The following ALDH1L2 variants were observed in gnomAD, a reference collection of about 807,000 sequenced individuals.
ALDH1L2 encodes mitochondrial 10-formyltetrahydrofolate dehydrogenase.
A neutral mutation model predicts 111.0 loss-of-function variants in ALDH1L2; 91 were observed. The observed-to-expected ratio is 0.82, with a 90% confidence interval of 0.69 to 0.98. The LOEUF is 0.98. Ranked by LOEUF, ALDH1L2 falls within the 50% of genes least tolerant of loss-of-function variation. ALDH1L2 has a pLI of 0.00. For missense variants in ALDH1L2, 995 were observed against 1,126.8 expected, an observed-to-expected ratio of 0.88 and a Z score of 1.67; for synonymous variants, 374 against 392.6, an observed-to-expected ratio of 0.95 and a Z score of 0.56.
chr12:105,048,392 C>T (rs1876045693), intron 13 of ALDH1L2: 1 of 152,184 alleles, frequency 6.6e-6, no homozygotes, highest in South Asian at 2.1e-4. Flanking sequence ...TGATGTTTCC[C>T]AGTCTCCTTA....
chr12:105,077,380 C>A (rs111940226), intron 1 of ALDH1L2, among the ~76,000 whole-genome samples: 3,618 of 151,922 alleles, frequency 0.024, 97 homozygotes, highest in African/African-American at 0.061. Flanking sequence ...AAGCAATTCT[C>A]CTGCCTCAGC....
intron 1 of ALDH1L2, among the ~76,000 whole-genome samples, chr12:105,081,632 G>A (rs1423785647): frequency 6.6e-6 from 1 of 152,136 alleles, no homozygotes; most frequent in Non-Finnish European, 1.5e-5. Flanking sequence ...ATCAGAGGTG[G>A]GCAATAATAT....
At chr12:105,081,618 G>T (rs1197717305) in intron 1 of ALDH1L2, among the ~76,000 whole-genome samples, 1 of 152,160 alleles carries the variant, frequency 6.6e-6, no homozygotes, top group Non-Finnish European at 1.5e-5. Flanking sequence ...GAGCCAGGCA[G>T]GATATCAGAG....
Position 105,065,360 on chromosome 12 carries a change from G to T in ALDH1L2, c.697-4C>A, listed in dbSNP as rs755255924. 3.7e-6 allele frequency: 6 copies of T among 1,611,064 alleles called. No individual in the cohort carries two copies. In the South Asian group the frequency reaches 6.6e-5, roughly 18 times the overall value. On this transcript the variant is annotated splice_polypyrimidine_tract_variant and splice_region_variant and intron_variant, in intron 5 of 22. Coordinates refer to ENST00000258494, the MANE Select transcript of ALDH1L2 (RefSeq NM_001034173.4). ...CGGCAGACTGGTCCCAAGAAATCTA[G>T]GAAGGCACAAAATACAGGCTGAGCC... is the stretch of plus-strand genomic sequence containing the variant.
intron 10 of ALDH1L2, among the ~76,000 whole-genome samples, chr12:105,055,994 A>G (rs956724626): frequency 7.2e-5 from 11 of 152,188 alleles, no homozygotes; most frequent in Non-Finnish European, 1.6e-4. Flanking sequence ...ATATTTGAAG[A>G]AAGAATAGCT....
At chr12:105,054,010 G>C (rs1565961650) in intron 10 of ALDH1L2, among the ~76,000 whole-genome samples, 2 of 151,948 alleles carry the variant, frequency 1.3e-5, no homozygotes, top group South Asian at 4.1e-4. Flanking sequence ...CCACCACAGA[G>C]AGTTGTTAGG....
intron 1 of ALDH1L2, among the ~76,000 whole-genome samples, chr12:105,078,875 G>C (rs1294270394): frequency 2.6e-5 from 4 of 152,180 alleles, no homozygotes; most frequent in African/African-American, 9.6e-5. Context: ...AGAGGGTGCG[G>C]TATTTACAAA....
chr12:105,041,687 TCTCTA>T (rs958081535), intron 15 of ALDH1L2, among the ~76,000 whole-genome samples: 9 of 152,212 alleles, frequency 5.9e-5, no homozygotes, highest in African/African-American at 1.7e-4. Flanking sequence ...AGTAGTTGGC[TCTCTA>T]CTCTAAGTGT....
intron 10 of ALDH1L2, among the ~76,000 whole-genome samples, chr12:105,054,156 C>G (rs1460891586): frequency 6.6e-6 from 1 of 152,150 alleles, no homozygotes; most frequent in East Asian, 1.9e-4. Flanking sequence ...CAAGGTCACA[C>G]AGCTAGTAAG....
At chr12:105,061,176 T>G in intron 8 of ALDH1L2, 104 bp from the exon 9 acceptor site, 1 of 952,078 alleles carries the variant, frequency 1.1e-6, no homozygotes, top group South Asian at 1.4e-5. Context: ...TCTTGTACAC[T>G]CAGCTGTACA....
chr12:105,040,125 CAAAAAAAAAAAA>C (rs11284250), intron 16 of ALDH1L2, among the ~76,000 whole-genome samples: 3 of 59,080 alleles, frequency 5.1e-5, no homozygotes, highest in East Asian at 9.3e-4. Flanking sequence ...GACTCCGTCT[CAAAAAAAAAAAA>C]AAAAAAAAAA....
intron 16 of ALDH1L2, 106 bp from the exon 17 acceptor site, chr12:105,039,912 C>G: frequency 1.1e-6 from 1 of 922,954 alleles, no homozygotes. Flanking sequence ...AAGCAGATCA[C>G]AAGGTCAGGA....
At chr12:105,030,303 C>G (rs777745374) in intron 21 of ALDH1L2, 21 bp downstream of exon 21, 2 of 1,596,572 alleles carry the variant, frequency 1.3e-6, no homozygotes, top group South Asian at 2.3e-5. Flanking sequence ...ACCTAAGTTA[C>G]ATTGTGTCTG....
At chr12:105,042,656 T>C (rs765616400) in intron 15 of ALDH1L2, among the ~76,000 whole-genome samples, 6 of 152,186 alleles carry the variant, frequency 3.9e-5, no homozygotes, top group Non-Finnish European at 8.8e-5. Context: ...ATTCAAAACA[T>C]CCATTCAGAG....
chr12:105,045,730 G>T (rs190679197), intron 15 of ALDH1L2, among the ~76,000 whole-genome samples: 5 of 152,146 alleles, frequency 3.3e-5, no homozygotes, highest in African/African-American at 1.2e-4. Context: ...AAACAAAATG[G>T]CCGTGGCCAC....
At chr12:105,078,374 G>T (rs574798148) in intron 1 of ALDH1L2, among the ~76,000 whole-genome samples, 2 of 152,144 alleles carry the variant, frequency 1.3e-5, no homozygotes, top group African/African-American at 2.4e-5. Flanking sequence ...CAGGAGGATC[G>T]CTTGAACCCG....
chr12:105,060,848 AG>A, intron 9 of ALDH1L2, 132 bp downstream of exon 9: 6 of 569,158 alleles, frequency 1.1e-5, no homozygotes, highest in Non-Finnish European at 1.4e-5. Flanking sequence ...AAAAAAAAAA[AG>A]ATGAGTCATA....
chr12:105,035,324 GTATTTATT>G (rs933684395), intron 18 of ALDH1L2, among the ~76,000 whole-genome samples: 4 of 151,858 alleles, frequency 2.6e-5, no homozygotes, highest in Admixed American at 1.3e-4. Context: ...TTTTTTATTT[GTATTTATT>G]TATTTATTTA....
chr12:105,047,605 G>C (rs1875998322), intron 13 of ALDH1L2: 1 of 152,180 alleles, frequency 6.6e-6, no homozygotes, highest in African/African-American at 2.4e-5. Context: ...TTGAAAGTGA[G>C]AGAAAAATAA....
Sources: allele counts gnomAD v4.1 joint callset (sites outside exome capture counted in the v4.1 genomes callset), GRCh38; gene constraint gnomAD v4.1.1; transcripts MANE v1.5; gene names NCBI Gene and HGNC (gene_info 2026-07-23, HGNC 2026-07-21).